NAALADL2: variants seen among roughly 807,000 people sequenced by gnomAD.
NAALADL2 encodes N-acetylated alpha-linked acidic dipeptidase like 2.
A neutral mutation model predicts 87.2 loss-of-function variants in NAALADL2; 76 were observed. The observed-to-expected ratio is 0.87, with a 90% CI of 0.72 to 1.05. NAALADL2 has a LOEUF of 1.05. NAALADL2 is among the 50% of genes least tolerant of loss of function. The pLI is 0.00. For synonymous variants in NAALADL2, 354 were observed against 331.0 expected (o/e 1.07, Z -0.75); for missense variants, 1,089 against 945.8 (o/e 1.15, Z -1.99).
At chr3:175,701,967 T>C (rs546550447) in intron 11 of NAALADL2, among the ~76,000 whole-genome samples, 63 of 152,326 alleles carry the variant, frequency 4.1e-4, no homozygotes, top group Non-Finnish European at 6.8e-4. Context: ...ATCCAAATTT[T>C]AATTTCCTGA....
chr3:175,132,877 C>T (rs964362654), intron 2 of NAALADL2, among the ~76,000 whole-genome samples: 2 of 151,734 alleles, frequency 1.3e-5, no homozygotes, highest in Non-Finnish European at 2.9e-5. Context: ...AGGGGCTCCT[C>T]ACTTCTCAGA....
intron 1 of NAALADL2, among the ~76,000 whole-genome samples, chr3:174,973,506 T>C (rs1414259030): frequency 2.0e-5 from 3 of 152,222 alleles, no homozygotes; most frequent in Admixed American, 2.0e-4. Flanking sequence ...TATTAAGATA[T>C]CTAGATGTTG....
At chr3:174,665,536 T>C (rs1474555831) in intron 2 of NAALADL2, among the ~76,000 whole-genome samples, 1 of 152,110 alleles carries the variant, frequency 6.6e-6, no homozygotes, top group Non-Finnish European at 1.5e-5. Context: ...CAGGAGAAAA[T>C]GGATGTCAGA....
intron 3 of NAALADL2, among the ~76,000 whole-genome samples, chr3:174,806,405 A>C (rs1719499441): frequency 6.6e-6 from 1 of 152,164 alleles, no homozygotes; most frequent in Admixed American, 6.6e-5. Flanking sequence ...TGGATGTGGG[A>C]GACCCAAGGC....
At chr3:175,745,247 C>G (rs1452804184) in intron 12 of NAALADL2, among the ~76,000 whole-genome samples, 1 of 152,086 alleles carries the variant, frequency 6.6e-6, no homozygotes, top group Non-Finnish European at 1.5e-5. Flanking sequence ...AACCTTGGCT[C>G]TTAATATTTG....
intron 3 of NAALADL2, among the ~76,000 whole-genome samples, chr3:174,773,866 A>C: frequency 7.3e-6 from 1 of 137,764 alleles, no homozygotes; most frequent in South Asian, 2.3e-4. Flanking sequence ...TAGCTGCTGA[A>C]GTGATGGAGA....
chr3:175,227,561 A>G (rs1487146728), intron 2 of NAALADL2, among the ~76,000 whole-genome samples: 1 of 152,038 alleles, frequency 6.6e-6, no homozygotes, highest in Non-Finnish European at 1.5e-5. Flanking sequence ...ATTGCAGTTA[A>G]TTCTTTAATA....
intron 2 of NAALADL2, among the ~76,000 whole-genome samples, chr3:175,161,322 A>G (rs746854473): frequency 2.0e-5 from 3 of 151,978 alleles, no homozygotes; most frequent in Non-Finnish European, 4.4e-5. Flanking sequence ...ACTGCAAAAC[A>G]GAAAAAAAAA....
At chr3:174,968,112 G>A (rs1272071889) in intron 1 of NAALADL2, among the ~76,000 whole-genome samples, 2 of 152,066 alleles carry the variant, frequency 1.3e-5, no homozygotes, top group African/African-American at 2.4e-5. Context: ...TCAATTTGGT[G>A]CACTATCTAA....
chr3:175,145,925 C>G (rs535577988), intron 2 of NAALADL2, among the ~76,000 whole-genome samples: 2 of 152,172 alleles, frequency 1.3e-5, no homozygotes, highest in African/African-American at 2.4e-5. Context: ...AGACATATAG[C>G]TAGAATCAAG....
chr3:175,282,733 C>G (rs1025614604), intron 4 of NAALADL2, among the ~76,000 whole-genome samples: 2 of 152,004 alleles, frequency 1.3e-5, no homozygotes, highest in Admixed American at 6.6e-5. Flanking sequence ...GGAGAACCTT[C>G]AGTAGTTGGA....
At chr3:175,026,146 CA>C (rs1157630900) in intron 1 of NAALADL2, among the ~76,000 whole-genome samples, 4 of 151,994 alleles carry the variant, frequency 2.6e-5, no homozygotes, top group African/African-American at 9.7e-5. Context: ...ATTAAGTTAA[CA>C]ATAGAAGAAA....
At position 174,543,169 on chromosome 3, in the gene NAALADL2, G is replaced by T. The variant is rs768048035; in HGVS notation, c.-183-7400G>T. Among the ~76,000 whole-genome samples the T allele has an allele frequency of 8.5e-5, 13 of 152,272 alleles. No individual in the cohort carries two copies. In the East Asian group the frequency reaches 2.5e-3, roughly 29 times the overall value. On this transcript the variant is annotated intron_variant, in intron 1 of 3. Transcript: ENST00000434257. The stretch of plus-strand genomic sequence containing the variant: ...AGCAGGTACAGCTTTAAACCTAGGC[G>T]ATGGACTGTTGCAAGTTCTTGAGCT...
chr3:174,546,206 A>C (rs146824418), intron 1 of NAALADL2, among the ~76,000 whole-genome samples: 1,580 of 152,142 alleles, frequency 0.01, 20 homozygotes, highest in Non-Finnish European at 0.015. Context: ...GGGTAGAAGG[A>C]ATTGATTGAA....
intron 4 of NAALADL2, among the ~76,000 whole-genome samples, chr3:175,258,084 A>G (rs35130485): frequency 0.27 from 40,797 of 151,652 alleles, 6,565 homozygotes; most frequent in South Asian, 0.52. Flanking sequence ...CGAGGTGGGC[A>G]GAGCACGAGG....
At chr3:174,725,161 C>T (rs1316101399) in intron 2 of NAALADL2, among the ~76,000 whole-genome samples, 3 of 152,136 alleles carry the variant, frequency 2.0e-5, no homozygotes, top group Admixed American at 2.0e-4. Flanking sequence ...CTTCTAGTTC[C>T]ACTTCCCTTA....
At chr3:175,604,769 A>C (rs867700397) in intron 10 of NAALADL2, among the ~76,000 whole-genome samples, 1 of 152,152 alleles carries the variant, frequency 6.6e-6, no homozygotes, top group Non-Finnish European at 1.5e-5. Context: ...ATCAGTGAAA[A>C]TTAAAAGATT....
At chr3:174,505,656 G>A (rs1042456424) in intron 1 of NAALADL2, among the ~76,000 whole-genome samples, 2 of 152,120 alleles carry the variant, frequency 1.3e-5, no homozygotes, top group African/African-American at 4.8e-5. Context: ...TCCTTAAGTA[G>A]CATTTCATGT....
intron 4 of NAALADL2, among the ~76,000 whole-genome samples, chr3:175,312,840 A>G (rs909040157): frequency 6.6e-6 from 1 of 152,234 alleles, no homozygotes; most frequent in African/African-American, 2.4e-5. Flanking sequence ...TAAGTACTTG[A>G]TAATTTGACC....
Sources: gnomAD v4.1 joint callset for allele counts (sites outside exome capture counted in the v4.1 genomes callset) on GRCh38, gnomAD v4.1.1 for gene constraint, MANE v1.5 for transcripts, NCBI Gene and HGNC (gene_info 2026-07-23, HGNC 2026-07-21) for gene names.